METTL9: variants seen among roughly 807,000 people sequenced by gnomAD.
METTL9 encodes protein-L-histidine N-pros-methyltransferase.
Under a neutral mutation model 36.0 loss-of-function variants are expected in METTL9, and 10 were observed. That is an observed-to-expected ratio of 0.28 (90% CI 0.17 to 0.47). The LOEUF (loss-of-function observed/expected upper bound fraction) is 0.47. METTL9 is among the 20% of genes least tolerant of loss of function. METTL9 has a pLI of 0.99. For synonymous variants in METTL9, 175 were observed against 149.7 expected (o/e 1.17, Z -1.23); for missense variants, 246 against 383.5 (o/e 0.64, Z 3.00).
intron 1 of METTL9, chr16:21,612,202 CT>C (rs1965440526): frequency 6.5e-6 from 1 of 153,588 alleles, no homozygotes. Flanking sequence ...GATTATGTGA[CT>C]GTTTTCTTGT....
intron 4 of METTL9, among the ~76,000 whole-genome samples, chr16:21,629,142 C>T (rs1024731463): frequency 3.3e-5 from 5 of 152,078 alleles, no homozygotes; most frequent in African/African-American, 1.2e-4. Flanking sequence ...GATGCCCCCT[C>T]AGTCTCCCAA....
chr16:21,639,217 C>T (rs769307460), intron 4 of METTL9, among the ~76,000 whole-genome samples: 9 of 152,114 alleles, frequency 5.9e-5, no homozygotes, highest in African/African-American at 1.2e-4. Flanking sequence ...GAACTCTTTG[C>T]GAAAGTATAT....
At chr16:21,609,579 A>C (rs1250235888) in intron 1 of METTL9, among the ~76,000 whole-genome samples, 1 of 152,092 alleles carries the variant, frequency 6.6e-6, no homozygotes, top group Non-Finnish European at 1.5e-5. Context: ...AACCAGGTGA[A>C]GAGAGAGTGG....
At position 21,599,742 on chromosome 16, in the gene METTL9, G is replaced by T; in HGVS notation, c.9G>T (p.Leu3=). ...AGCGGCCGCGGCCCCCGATGAGACT[G>T]CTGGCGGGCTGGCTGTGCCTGAGCC... MR[L]LAGWLCLSLA... is the part of the protein sequence containing the mutation. Residue 3 remains leucine, a synonymous_variant, in exon 1 of 5, where the codon CTG becomes CTT. Coordinates refer to ENST00000358154, the MANE Select transcript of METTL9 (RefSeq NM_016025.5). This position sits in a 1 kb window ranked among gnomAD's most constrained non-coding sequence, Gnocchi z 4.4. 1.3e-6 allele frequency: 2 copies of T among 1,520,526 alleles called. No individual in the cohort carries two copies. The highest frequency in any genetic ancestry group is 8.8e-7 in the Non-Finnish European group (1 of 1,142,518). 94.2% of individuals were successfully genotyped at this position (1,520,526 alleles called of 1,614,324 possible).
intron 4 of METTL9, chr16:21,641,036 A>G (rs1266754117): frequency 6.6e-6 from 1 of 152,338 alleles, no homozygotes; most frequent in Non-Finnish European, 1.5e-5. Context: ...CTGGCAGGCA[A>G]ATGTGCGTTA....
intron 1 of METTL9, among the ~76,000 whole-genome samples, chr16:21,607,451 C>G (rs1418390040): frequency 2.0e-5 from 3 of 152,112 alleles, no homozygotes; most frequent in Admixed American, 2.0e-4. Flanking sequence ...ATTCAAAACG[C>G]GTGGCAGCCA....
intron 2 of METTL9, among the ~76,000 whole-genome samples, chr16:21,615,192 C>T (rs1027172871): frequency 5.9e-5 from 9 of 152,094 alleles, no homozygotes; most frequent in East Asian, 1.9e-4. Flanking sequence ...AATGTTCTTT[C>T]GAAATAGGAC....
intron 4 of METTL9, chr16:21,643,277 C>T: frequency 1.4e-6 from 1 of 715,756 alleles, no homozygotes; most frequent in Non-Finnish European, 2.5e-6. Flanking sequence ...TCCCCCAACA[C>T]ATATGTGCCT....
chr16:21,648,866 C>T (rs995324833), intron 4 of METTL9, among the ~76,000 whole-genome samples: 1 of 152,198 alleles, frequency 6.6e-6, no homozygotes, highest in Non-Finnish European at 1.5e-5. Context: ...GCTTAATTTT[C>T]AGACAGGGGC....
chr16:21,612,341 G>GCCA (rs1965444758), intron 1 of METTL9: 1 of 222,396 alleles, frequency 4.5e-6, no homozygotes, highest in African/African-American at 2.3e-5. Context: ...GAGTGCCTGA[G>GCCA]CTGTGGTCTG....
At chr16:21,651,932 C>T (rs1966587050) in intron 4 of METTL9, 1 of 152,068 alleles carries the variant, frequency 6.6e-6, no homozygotes, top group African/African-American at 2.4e-5. Context: ...CTCCCATTAA[C>T]ATTTTGATAT....
Position 21,599,939 on chromosome 16 carries a change from C to A in METTL9, c.165+41C>A. The A allele has an allele frequency of 7.8e-7, 1 of 1,285,508 alleles. No homozygotes were observed. Among genetic ancestry groups the A allele is most frequent in the South Asian group, 2.4e-5 (1 of 41,644 alleles). 79.6% of individuals were successfully genotyped at this position (1,285,508 alleles called of 1,614,324 possible). On this transcript the variant is annotated intron_variant, in intron 1 of 4. Coordinates refer to ENST00000358154, the MANE Select transcript of METTL9 (RefSeq NM_016025.5). The surrounding 1 kb of genome is among the most constrained non-coding windows in gnomAD (Gnocchi z 4.4). ...GGGGCCGGGGCGGGGGCGTGGCGGCCCGGCCTTCCCGCGCTGGGCCCGGCT... is the reference window on the plus strand; with the variant it reads ...GGGGCCGGGGCGGGGGCGTGGCGGCACGGCCTTCCCGCGCTGGGCCCGGCT...
In METTL9 at chr16:21,599,681, C is replaced by T. The variant is rs1597733687; in HGVS notation, c.-53C>T. On this transcript the variant is annotated 5_prime_UTR_variant, in exon 1 of 5. Transcript: ENST00000358154. This position sits in a 1 kb window ranked among gnomAD's most constrained non-coding sequence, Gnocchi z 4.4. ...CGGTGGCCGGAGGCGGCGGTGCCTC[C>T]TCCTCCTCGCCCCGGCGCCGGCGGT... 7.1e-7 allele frequency: 1 copy of T among 1,404,958 alleles called. No individual in the cohort carries two copies. The highest frequency in any genetic ancestry group is 3.1e-5 in the East Asian group (1 of 32,122). 87.0% of individuals were successfully genotyped at this position (1,404,958 alleles called of 1,614,324 possible).
At chr16:21,613,168 CTTTT>C (rs57388340) in intron 2 of METTL9, among the ~76,000 whole-genome samples, 4 of 91,424 alleles carry the variant, frequency 4.4e-5, no homozygotes, top group East Asian at 3.5e-4. Context: ...TGAGAGTCTG[CTTTT>C]TTTTTTTTTT....
chr16:21,632,259 CTATCTG>C (rs1461259800), intron 4 of METTL9, among the ~76,000 whole-genome samples: 1 of 152,238 alleles, frequency 6.6e-6, no homozygotes, highest in Admixed American at 6.5e-5. Flanking sequence ...AGCATACTTG[CTATCTG>C]TATACACATT....
At position 21,600,360 on chromosome 16, in the gene METTL9, C is replaced by A. The variant is rs180690698; in HGVS notation, c.165+462C>A. Among the ~76,000 whole-genome samples the A allele has an allele frequency of 2.0e-4, 31 of 152,228 alleles. No individual in the cohort carries two copies. In the East Asian group the frequency reaches 5.2e-3, roughly 26 times the overall value. ...CTTGTTGTCTCGTTGAATCCCAGAACGTACAAAGGGTCGTGAAGAAATGTA... is the reference window on the plus strand; with the variant it reads ...CTTGTTGTCTCGTTGAATCCCAGAAAGTACAAAGGGTCGTGAAGAAATGTA... On this transcript the variant is annotated intron_variant, in intron 1 of 4. Coordinates refer to ENST00000358154, the MANE Select transcript of METTL9 (RefSeq NM_016025.5).
At chr16:21,625,347 T>C in intron 4 of METTL9, 1 of 503,362 alleles carries the variant, frequency 2.0e-6, no homozygotes. Context: ...TTTAGCTGGG[T>C]CTGACTGCTT....
At chr16:21,641,929 C>T (rs573916596) in intron 4 of METTL9, 1 of 180,912 alleles carries the variant, frequency 5.5e-6, no homozygotes, top group Admixed American at 6.1e-5. Flanking sequence ...TGTAATTACT[C>T]AGCATGGCAT....
At chr16:21,622,005 G>A (rs562701010) in intron 3 of METTL9, among the ~76,000 whole-genome samples, 4 of 151,366 alleles carry the variant, frequency 2.6e-5, no homozygotes, top group African/African-American at 9.7e-5. Flanking sequence ...GCCACGCCCA[G>A]CTAAGTTTTT....
Sources: allele counts gnomAD v4.1 joint callset (sites outside exome capture counted in the v4.1 genomes callset), GRCh38; gene constraint gnomAD v4.1.1; non-coding constraint Gnocchi (gnomAD v3.1); transcripts MANE v1.5; gene names NCBI Gene and HGNC (gene_info 2026-07-23, HGNC 2026-07-21).